The following UBE2E1 variants were observed in gnomAD, a reference collection of about 807,000 sequenced individuals.
The protein encoded by UBE2E1 is ubiquitin conjugating enzyme E2 E1, also known as ubiquitin-conjugating enzyme E2 E1.
In UBE2E1, 6 loss-of-function variants were observed where a neutral mutation model predicts 21.4. The observed-to-expected ratio is 0.28, with a 90% CI of 0.15 to 0.55. UBE2E1 has a LOEUF of 0.55. Ranked by LOEUF, UBE2E1 falls within the 20% of genes least tolerant of loss-of-function variation. UBE2E1 has a pLI of 0.93. For missense variants in UBE2E1, 142 were observed against 236.5 expected, an observed-to-expected ratio of 0.60 and a Z score of 2.62; for synonymous variants, 87 against 82.7, an observed-to-expected ratio of 1.05 and a Z score of -0.28.
At chr3:23,858,644 A>G (rs1700489663) in intron 3 of UBE2E1, among the ~76,000 whole-genome samples, 1 of 152,216 alleles carries the variant, frequency 6.6e-6, no homozygotes, top group Non-Finnish European at 1.5e-5. Context: ...AATGGAAGAC[A>G]AACCTTTATA....
At chr3:23,830,705 G>A (rs1250690312) in intron 3 of UBE2E1, among the ~76,000 whole-genome samples, 1 of 152,130 alleles carries the variant, frequency 6.6e-6, no homozygotes, top group Non-Finnish European at 1.5e-5. Flanking sequence ...GTTTAAGAGT[G>A]GCCTTGTCAA....
chr3:23,873,474 C>T lies in UBE2E1; in HGVS notation c.204-14093C>T, dbSNP rs879927402. ...AATGTCAGAATTAGGCAGTCGGGCGCGGTGGCTCACGCCTGTAATCCCAGC... is the reference window on the plus strand; with the variant it reads ...AATGTCAGAATTAGGCAGTCGGGCGTGGTGGCTCACGCCTGTAATCCCAGC... On this transcript the variant is annotated intron_variant, in intron 3 of 5. Coordinates refer to ENST00000306627, the MANE Select transcript of UBE2E1 (RefSeq NM_003341.5). Among the ~76,000 whole-genome samples the T allele has an allele frequency of 2.0e-5, 3 of 152,054 alleles. No homozygotes were observed. The South Asian group carries it at 6.2e-4, about 31-fold the overall frequency.
At chr3:23,884,174 CTGTTT>C (rs947637564) in intron 3 of UBE2E1, among the ~76,000 whole-genome samples, 2 of 151,912 alleles carry the variant, frequency 1.3e-5, no homozygotes, top group Non-Finnish European at 2.9e-5. Flanking sequence ...GATTTCTTTT[CTGTTT>C]TGTCTACTTT....
At chr3:23,881,192 A>G (rs1024630550) in intron 3 of UBE2E1, among the ~76,000 whole-genome samples, 1 of 152,178 alleles carries the variant, frequency 6.6e-6, no homozygotes, top group Non-Finnish European at 1.5e-5. Context: ...TTGTTTACAT[A>G]CCTGTGTGAA....
Position 23,870,812 on chromosome 3 carries a change from G to T in UBE2E1, c.204-16755G>T, listed in dbSNP as rs985946602. Among the ~76,000 whole-genome samples, 9 of 128,618 alleles carry T rather than the reference G, an allele frequency of 7.0e-5. No homozygotes were observed. The highest frequency in any genetic ancestry group is 3.1e-4 in the Admixed American group (4 of 12,782). 84.4% of individuals were successfully genotyped at this position (128,618 alleles called of 152,430 possible). On this transcript the variant is annotated intron_variant, in intron 3 of 5. Transcript: ENST00000306627. The surrounding 1 kb of genome is among the most constrained non-coding windows in gnomAD (Gnocchi z 4.2). ...CAAAGGTCTCTGGTTTTCCTAGGCA[G>T]AGGACCCTGCGGCCTTCCGCAGTGT...
intron 3 of UBE2E1, among the ~76,000 whole-genome samples, chr3:23,883,675 T>C (rs997298748): frequency 1.3e-5 from 2 of 152,132 alleles, no homozygotes; most frequent in Non-Finnish European, 2.9e-5. Flanking sequence ...CCCAGCACTT[T>C]GGCAGGCTGA....
chr3:23,807,429 G>C lies in UBE2E1; in HGVS notation c.152+8G>C. The C allele has an allele frequency of 6.3e-7, 1 of 1,594,378 alleles. No individual in the cohort carries two copies. Among genetic ancestry groups the C allele is most frequent in the Non-Finnish European group, 8.5e-7 (1 of 1,174,332 alleles). The stretch of plus-strand genomic sequence containing the variant: ...CTCCACCAGCGCCAAGAGGTACTGT[G>C]CTCTTTTTTTTTTCCACAGGCTTCC... On this transcript the variant is annotated splice_region_variant and intron_variant, in intron 2 of 5. Coordinates refer to ENST00000306627, the MANE Select transcript of UBE2E1 (RefSeq NM_003341.5).
chr3:23,847,488 ATTTTTT>A (rs71057627), intron 3 of UBE2E1, among the ~76,000 whole-genome samples: 10 of 96,134 alleles, frequency 1.0e-4, no homozygotes, highest in Admixed American at 1.3e-4. Flanking sequence ...TGTACTTTAA[ATTTTTT>A]TTTTTTTTTT....
intron 3 of UBE2E1, among the ~76,000 whole-genome samples, chr3:23,837,297 T>G (rs942220881): frequency 6.6e-6 from 1 of 152,184 alleles, no homozygotes; most frequent in Non-Finnish European, 1.5e-5. Context: ...CTAGAAAGTT[T>G]GGGAGCCAGA....
chr3:23,835,590 T>TATACTTTTA (rs1559480709), intron 3 of UBE2E1, among the ~76,000 whole-genome samples: 35 of 151,792 alleles, frequency 2.3e-4, no homozygotes, highest in Admixed American at 9.8e-4. Context: ...ACCAAGGAAG[T>TATACTTTTA]AATGTATACT....
intron 3 of UBE2E1, among the ~76,000 whole-genome samples, chr3:23,837,809 T>A (rs1304540755): frequency 1.3e-5 from 2 of 152,170 alleles, no homozygotes; most frequent in African/African-American, 2.4e-5. Context: ...TTTTGGCATG[T>A]GGAAAATTAA....
intron 3 of UBE2E1, chr3:23,879,171 G>C (rs1292338376): frequency 9.0e-6 from 7 of 776,732 alleles, no homozygotes; most frequent in African/African-American, 3.6e-5. Flanking sequence ...TTAAGTTTTA[G>C]TTTCTTCCAT....
chr3:23,837,663 G>A (rs903776674), intron 3 of UBE2E1, among the ~76,000 whole-genome samples: 4 of 152,214 alleles, frequency 2.6e-5, no homozygotes, highest in Non-Finnish European at 5.9e-5. Flanking sequence ...TTTATAAAGC[G>A]TTGGAGATAG....
intron 3 of UBE2E1, among the ~76,000 whole-genome samples, chr3:23,818,660 C>T (rs1699578696): frequency 6.6e-6 from 1 of 152,196 alleles, no homozygotes; most frequent in Non-Finnish European, 1.5e-5. Flanking sequence ...TTTAGCTTTG[C>T]ACACATTGAA....
intron 3 of UBE2E1, among the ~76,000 whole-genome samples, chr3:23,814,619 G>T (rs1699472679): frequency 6.6e-6 from 1 of 152,124 alleles, no homozygotes; most frequent in African/African-American, 2.4e-5. Flanking sequence ...ACTTTGTAAT[G>T]ATTCCCTAAA....
chr3:23,868,944 C>T (rs1182960124), intron 3 of UBE2E1, among the ~76,000 whole-genome samples: 1 of 152,138 alleles, frequency 6.6e-6, no homozygotes, highest in Non-Finnish European at 1.5e-5. Flanking sequence ...AGTATACTGT[C>T]ATATGGTTGT....
intron 3 of UBE2E1, among the ~76,000 whole-genome samples, chr3:23,813,700 G>A (rs1163284149): frequency 6.6e-6 from 1 of 152,100 alleles, no homozygotes; most frequent in African/African-American, 2.4e-5. Context: ...GTGCCACCAT[G>A]CCCAGCTAAT....
In UBE2E1 at chr3:23,806,875, G is replaced by A; in HGVS notation, c.-33-362G>A. On this transcript the variant is annotated intron_variant, in intron 1 of 5. Coordinates refer to ENST00000306627, the MANE Select transcript of UBE2E1 (RefSeq NM_003341.5). The surrounding 1 kb of genome is among the most constrained non-coding windows in gnomAD (Gnocchi z 6.5). ...AGCGGACAAAAACAGCCCCGAGGCC[G>A]GCCGGCCGCCGGGACCTTCCCTCCC... 1 of 160,290 alleles carries A rather than the reference G, an allele frequency of 6.2e-6. No individual in the cohort carries two copies. Among genetic ancestry groups the A allele is most frequent in the Non-Finnish European group, 1.4e-5 (1 of 74,052 alleles). The allele number at this position is 160,290 out of a possible 1,614,324, so 9.9% of individuals were successfully genotyped here.
At position 23,889,067 on chromosome 3, in the gene UBE2E1, AGTTT is replaced by A. The variant is rs750921492; in HGVS notation, c.337-39_337-36del. 9.2e-5 allele frequency: 142 copies of A among 1,547,534 alleles called. 2 individuals carry two copies. The South Asian group carries it at 1.0e-3, about 11-fold the overall frequency. On this transcript the variant is annotated intron_variant, in intron 4 of 5. Coordinates refer to ENST00000306627, the MANE Select transcript of UBE2E1 (RefSeq NM_003341.5). ...TCATTCAGTTGAATATTTAGTAACA[AGTTT>A]GTTTGCTGTTTAAATATTGTCTGTC...
Sources: allele counts gnomAD v4.1 joint callset (sites outside exome capture counted in the v4.1 genomes callset), GRCh38; gene constraint gnomAD v4.1.1; non-coding constraint Gnocchi (gnomAD v3.1); transcripts MANE v1.5; gene names NCBI Gene and HGNC (gene_info 2026-07-23, HGNC 2026-07-21).